The following UNC13C variants were observed in gnomAD, a reference collection of about 807,000 sequenced individuals.
UNC13C encodes unc-13 homolog C, also known as protein unc-13 homolog C.
In UNC13C, 174 loss-of-function variants were observed where a neutral mutation model predicts 245.4. The observed-to-expected ratio is 0.71, with a 90% CI of 0.63 to 0.80. UNC13C has a LOEUF of 0.80. Among genes scored for constraint, UNC13C ranks in the 30% least tolerant of loss-of-function variants. The pLI is 0.00. For synonymous variants in UNC13C, 992 were observed against 895.1 expected, an observed-to-expected ratio of 1.11 and a Z score of -1.93; for missense variants, 2,829 against 2,602.9, an observed-to-expected ratio of 1.09 and a Z score of -1.89.
intron 30 of UNC13C, among the ~76,000 whole-genome samples, chr15:54,601,818 G>A (rs1188500469): frequency 2.0e-5 from 3 of 152,124 alleles, no homozygotes. Flanking sequence ...ATTCACTTAA[G>A]AACATGTTTC....
intron 17 of UNC13C, among the ~76,000 whole-genome samples, chr15:54,383,642 G>A (rs1056388061): frequency 6.6e-6 from 1 of 152,058 alleles, no homozygotes; most frequent in African/African-American, 2.4e-5. Flanking sequence ...CCACTCCTAT[G>A]CAACATGGTG....
chr15:54,297,849 C>T lies in UNC13C; in HGVS notation c.4027C>T (p.Arg1343Ter), dbSNP rs748266855. 2.5e-6 allele frequency: 4 copies of T among 1,610,382 alleles called. No individual in the cohort carries two copies. The highest frequency in any genetic ancestry group is 1.1e-5 in the South Asian group (1 of 89,980). ...TDKSAVSGAI[R>*]LKINVEIKGE... ...TAAGTCAGCTGTATCTGGGGCCATA[C>T]GATTGAAAATCAATGTGGAGATAAA... is the stretch of plus-strand genomic sequence containing the variant. The change falls in exon 12 of 33, where the codon CGA (arginine) becomes TGA (stop). Residue 1343 changes from arginine to a stop codon, truncating the protein, a stop_gained. Coordinates refer to ENST00000260323, the MANE Select transcript of UNC13C (RefSeq NM_001080534.3). LOFTEE classifies it high-confidence loss of function.
At chr15:54,601,235 C>A (rs1009622256) in intron 30 of UNC13C, among the ~76,000 whole-genome samples, 1 of 152,144 alleles carries the variant, frequency 6.6e-6, no homozygotes, top group African/African-American at 2.4e-5. Context: ...TTTTGGTGAC[C>A]TATATACCAG....
chr15:53,980,319 C>A (rs1893876661), intron 1 of UNC13C, among the ~76,000 whole-genome samples: 1 of 152,086 alleles, frequency 6.6e-6, no homozygotes, highest in Non-Finnish European at 1.5e-5. Flanking sequence ...ATAGGCAATT[C>A]TTGATACCAG....
the UNC13C span, among the ~76,000 whole-genome samples, chr15:53,956,906 G>A: frequency 6.6e-6 from 1 of 151,220 alleles, no homozygotes; most frequent in African/African-American, 2.4e-5. Context: ...GTGTGTGTGT[G>A]CATGCACACA....
intron 4 of UNC13C, among the ~76,000 whole-genome samples, chr15:54,179,465 G>C (rs1481027007): frequency 6.6e-6 from 1 of 152,020 alleles, no homozygotes; most frequent in Non-Finnish European, 1.5e-5. Context: ...TGATATTCTA[G>C]AGCTGCAAAA....
At chr15:54,035,215 C>A (rs982635999) in intron 2 of UNC13C, among the ~76,000 whole-genome samples, 2 of 152,022 alleles carry the variant, frequency 1.3e-5, no homozygotes, top group Non-Finnish European at 2.9e-5. Flanking sequence ...ATGTATTAGT[C>A]CACTTTCATT....
intron 19 of UNC13C, among the ~76,000 whole-genome samples, chr15:54,446,099 T>A (rs145662321): frequency 6.6e-6 from 1 of 152,032 alleles, no homozygotes; most frequent in African/African-American, 2.4e-5. Flanking sequence ...GATCAGATAG[T>A]TGTAGATGTG....
intron 2 of UNC13C, among the ~76,000 whole-genome samples, chr15:54,126,639 A>G (rs1056982984): frequency 2.0e-5 from 3 of 152,204 alleles, no homozygotes; most frequent in Non-Finnish European, 2.9e-5. Flanking sequence ...CATTCAGGAT[A>G]TAAGCATGGG....
chr15:54,086,737 C>CTTTTGTTTTTTTTTTTTTTTTTTTTTTTT (rs1899261218), intron 2 of UNC13C, among the ~76,000 whole-genome samples: 2 of 92,012 alleles, frequency 2.2e-5, no homozygotes, highest in Non-Finnish European at 4.2e-5. Context: ...TATTTTCTTT[C>CTTTTGTTTTTTTTTTTTTTTTTTTTTTTT]TTTTTTTTTT....
At chr15:53,938,826 A>C in the UNC13C span, among the ~76,000 whole-genome samples, 1 of 152,160 alleles carries the variant, frequency 6.6e-6, no homozygotes. Context: ...AGAATGTACC[A>C]GCATCTCTGG....
chr15:54,188,010 G>T (rs2034054215), intron 4 of UNC13C, among the ~76,000 whole-genome samples: 1 of 152,046 alleles, frequency 6.6e-6, no homozygotes, highest in African/African-American at 2.4e-5. Context: ...TAGAGATGGA[G>T]TTTCATCATG....
chr15:54,020,968 G>A (rs1179767347), intron 2 of UNC13C, among the ~76,000 whole-genome samples: 1 of 151,912 alleles, frequency 6.6e-6, no homozygotes, highest in Non-Finnish European at 1.5e-5. Flanking sequence ...ATAACCTTTT[G>A]TCTAGTATTT....
At chr15:54,267,492 A>T (rs1251474968) in intron 10 of UNC13C, among the ~76,000 whole-genome samples, 1 of 152,074 alleles carries the variant, frequency 6.6e-6, no homozygotes, top group East Asian at 1.9e-4. Flanking sequence ...TGATTTTTCT[A>T]TTCTCAGTGA....
At chr15:54,201,141 AT>A (rs2034508733) in intron 4 of UNC13C, among the ~76,000 whole-genome samples, 1 of 152,072 alleles carries the variant, frequency 6.6e-6, no homozygotes, top group Admixed American at 6.6e-5. Context: ...GAACAGACCA[AT>A]AACAAGCAGC....
the UNC13C span, chr15:53,947,667 T>C: frequency 2.0e-5 from 3 of 152,212 alleles, 1 homozygote; most frequent in Non-Finnish European, 4.4e-5. Context: ...GTCCGTTCGA[T>C]CTTGTCACCG....
intron 2 of UNC13C, among the ~76,000 whole-genome samples, chr15:54,072,949 G>C (rs1898402598): frequency 6.6e-6 from 1 of 151,834 alleles, no homozygotes; most frequent in Non-Finnish European, 1.5e-5. Context: ...TGTTACGTAG[G>C]TATACACGTG....
chr15:53,900,636 A>G, the UNC13C span, among the ~76,000 whole-genome samples: 1 of 152,196 alleles, frequency 6.6e-6, no homozygotes, highest in Admixed American at 6.5e-5. Flanking sequence ...GCAGTATAAA[A>G]ATAGAGGCCC....
At chr15:54,229,506 G>T (rs11071062) in intron 4 of UNC13C, among the ~76,000 whole-genome samples, 6,982 of 152,062 alleles carry the variant, frequency 0.046, 311 homozygotes, top group East Asian at 0.23. Flanking sequence ...ATTTTTAAAT[G>T]ATTGGAATAA....
Sources: gnomAD v4.1 joint callset for allele counts (sites outside exome capture counted in the v4.1 genomes callset) on GRCh38, gnomAD v4.1.1 for gene constraint, MANE v1.5 for transcripts, NCBI Gene and HGNC (gene_info 2026-07-23, HGNC 2026-07-21) for gene names.